The following TXLNB variants were observed in gnomAD, a reference collection of about 807,000 sequenced individuals.
TXLNB encodes beta-taxilin.
A neutral mutation model predicts 57.4 loss-of-function variants in TXLNB; 37 were observed. The ratio of observed to expected loss-of-function variants is 0.64; its 90% CI spans 0.50 to 0.85. The LOEUF (loss-of-function observed/expected upper bound fraction) is 0.85. Among genes scored for constraint, TXLNB ranks in the 40% least tolerant of loss-of-function variants. TXLNB has a pLI of 0.00. For missense variants in TXLNB, 848 were observed against 825.6 expected (o/e 1.03, Z -0.33); for synonymous variants, 302 against 309.6 (o/e 0.98, Z 0.26).
the TXLNB span, among the ~76,000 whole-genome samples, chr6:139,213,772 G>A: frequency 3.9e-5 from 6 of 152,054 alleles, no homozygotes; most frequent in South Asian, 2.1e-4. Context: ...TCAAATAAAC[G>A]CAATAAAAAA....
At chr6:139,243,892 A>C (rs1425539648) in intron 9 of TXLNB, among the ~76,000 whole-genome samples, 1 of 152,224 alleles carries the variant, frequency 6.6e-6, no homozygotes, top group African/African-American at 2.4e-5. Flanking sequence ...CAAACGGTTC[A>C]GTTTTTTCCT....
intron 4 of TXLNB, among the ~76,000 whole-genome samples, chr6:139,268,240 G>A (rs1231382756): frequency 6.7e-6 from 1 of 149,162 alleles, no homozygotes; most frequent in Non-Finnish European, 1.5e-5. Context: ...AATCATAAAT[G>A]TATATACACC....
the TXLNB span, among the ~76,000 whole-genome samples, chr6:139,162,857 G>T: frequency 4.6e-5 from 7 of 152,268 alleles, no homozygotes; most frequent in Admixed American, 2.6e-4. Context: ...TTAAGCTGTC[G>T]TGAGGTTTTG....
Position 139,242,447 on chromosome 6 carries a change from TA to T in TXLNB, c.*78del. 2 of 1,284,924 alleles carry T rather than the reference TA, an allele frequency of 1.6e-6. No individual in the cohort carries two copies. Among genetic ancestry groups the T allele is most frequent in the East Asian group, 5.3e-5 (2 of 37,726 alleles). 79.6% of individuals were successfully genotyped at this position (1,284,924 alleles called of 1,614,324 possible). The stretch of plus-strand genomic sequence containing the variant: ...TCTTCCATTTGACATCTCTAGCCCT[TA>T]ATGCCTTTTTCGGAAGACAAGCTGT... On this transcript the variant is annotated 3_prime_UTR_variant, in exon 10 of 10. Transcript: ENST00000358430.
chr6:139,205,567 T>A, the TXLNB span, among the ~76,000 whole-genome samples: 1 of 149,924 alleles, frequency 6.7e-6, no homozygotes, highest in Non-Finnish European at 1.5e-5. Context: ...CTAGAACAAG[T>A]AGAAGAAAGA....
the TXLNB span, among the ~76,000 whole-genome samples, chr6:139,215,348 C>G: frequency 6.6e-6 from 1 of 152,094 alleles, no homozygotes; most frequent in Non-Finnish European, 1.5e-5. Context: ...TGATCTTTGA[C>G]AAACCTCACA....
At chr6:139,310,492 T>C in the TXLNB span, among the ~76,000 whole-genome samples, 1 of 152,228 alleles carries the variant, frequency 6.6e-6, no homozygotes, top group Non-Finnish European at 1.5e-5. Context: ...ATTCACACAA[T>C]AAAACCTATT....
At chr6:139,225,350 TAA>T in the TXLNB span, among the ~76,000 whole-genome samples, 1 of 152,008 alleles carries the variant, frequency 6.6e-6, no homozygotes, top group African/African-American at 2.4e-5. Context: ...GAAAAATTAA[TAA>T]AAGAGATAAT....
intron 4 of TXLNB, among the ~76,000 whole-genome samples, chr6:139,267,735 T>A (rs565350946): frequency 6.6e-6 from 1 of 152,268 alleles, no homozygotes; most frequent in South Asian, 2.1e-4. Flanking sequence ...CTTGAAAGAA[T>A]GCACTTTAAA....
At chr6:139,276,950 A>T (rs199943794) in intron 2 of TXLNB, 29 bp from the exon 3 acceptor site, 36 of 1,548,600 alleles carry the variant, frequency 2.3e-5, no homozygotes, top group Middle Eastern at 3.7e-4. Flanking sequence ...GAAAAAAATA[A>T]GTGTTGAATT....
At chr6:139,209,016 G>T in the TXLNB span, among the ~76,000 whole-genome samples, 1 of 152,154 alleles carries the variant, frequency 6.6e-6, no homozygotes, top group Non-Finnish European at 1.5e-5. Flanking sequence ...GTTTGCTGAT[G>T]ACATGATCGT....
At chr6:139,199,270 T>C in the TXLNB span, among the ~76,000 whole-genome samples, 1 of 152,224 alleles carries the variant, frequency 6.6e-6, no homozygotes, top group Non-Finnish European at 1.5e-5. Flanking sequence ...TCTAGGTTTT[T>C]CACTAAGTTC....
At chr6:139,248,205 G>A (rs904792110) in intron 7 of TXLNB, among the ~76,000 whole-genome samples, 3 of 151,856 alleles carry the variant, frequency 2.0e-5, no homozygotes, top group Admixed American at 6.6e-5. Context: ...CCTGGGAGGC[G>A]GAGCTTGCAG....
At chr6:139,273,615 C>T (rs1343753754) in intron 3 of TXLNB, among the ~76,000 whole-genome samples, 2 of 152,150 alleles carry the variant, frequency 1.3e-5, no homozygotes, top group Non-Finnish European at 2.9e-5. Flanking sequence ...CAGTTGTGTG[C>T]CACCATGCCC....
At chr6:139,294,581 C>T (rs553708890), upstream of TXLNB, among the ~76,000 whole-genome samples, 1 of 152,186 alleles carries the variant, frequency 6.6e-6, no homozygotes, top group Non-Finnish European at 1.5e-5. Context: ...CCCCTTACCC[C>T]TCTGCCATGT....
chr6:139,279,432 A>G (rs1776987500), intron 2 of TXLNB, among the ~76,000 whole-genome samples: 1 of 152,380 alleles, frequency 6.6e-6, no homozygotes, highest in African/African-American at 2.4e-5. Flanking sequence ...AAAATCCAGG[A>G]AACAGAATTT....
the TXLNB span, among the ~76,000 whole-genome samples, chr6:139,201,415 C>T: frequency 9.2e-5 from 14 of 152,218 alleles, no homozygotes; most frequent in African/African-American, 2.6e-4. Flanking sequence ...TTAGCTGGCA[C>T]GATAAGGAAT....
In TXLNB at chr6:139,284,767, A is replaced by G. The variant is rs998705496; in HGVS notation, c.424+3709T>C. 4.8e-5 allele frequency among the ~76,000 whole-genome samples: 7 copies of G among 145,738 alleles called. 1 individual carries two copies. The highest frequency in any genetic ancestry group is 9.2e-5 in the Non-Finnish European group (6 of 65,444). On this transcript the variant is annotated intron_variant, in intron 2 of 9. Transcript: ENST00000358430. ...CACAAATTTTGCAATTGATTCTAATAAACAGTTAAGTTGGAAAACCATTAG... is the reference window on the plus strand; with the variant it reads ...CACAAATTTTGCAATTGATTCTAATGAACAGTTAAGTTGGAAAACCATTAG...
intron 7 of TXLNB, among the ~76,000 whole-genome samples, chr6:139,254,104 T>A (rs1300500111): frequency 6.6e-6 from 1 of 152,228 alleles, no homozygotes; most frequent in Non-Finnish European, 1.5e-5. Context: ...AACTTCTATG[T>A]ATCTAGTGTA....
Sources: allele counts gnomAD v4.1 joint callset (sites outside exome capture counted in the v4.1 genomes callset), GRCh38; gene constraint gnomAD v4.1.1; transcripts MANE v1.5; gene names NCBI Gene and HGNC (gene_info 2026-07-23, HGNC 2026-07-21).